Variants in PPP1R37 observed in about 807,000 individuals in gnomAD.
PPP1R37 encodes leucine rich repeat containing 68.
A neutral mutation model predicts 61.0 loss-of-function variants in PPP1R37; 21 were observed. The observed-to-expected ratio is 0.34, with a 90% confidence interval of 0.24 to 0.50. The LOEUF (loss-of-function observed/expected upper bound fraction) is 0.50. PPP1R37 is among the 20% of genes least tolerant of loss of function. PPP1R37 has a pLI of 0.98. For missense variants in PPP1R37, 910 were observed against 952.7 expected (o/e 0.96, Z 0.59); for synonymous variants, 443 against 433.5 (o/e 1.02, Z -0.27).
At chr19:45,119,184 G>A (rs1477481316) in intron 1 of PPP1R37, among the ~76,000 whole-genome samples, 1 of 147,650 alleles carries the variant, frequency 6.8e-6, no homozygotes, top group Non-Finnish European at 1.5e-5. Context: ...ACAGAGTCTT[G>A]CTCTCTGTCA....
In PPP1R37 at chr19:45,143,469, C is replaced by A. The variant is rs945685545; in HGVS notation, c.875-52C>A. The A allele has an allele frequency of 2.2e-5, 25 of 1,154,600 alleles. No homozygotes were observed. The African/African-American group carries it at 3.4e-4, about 15-fold the overall frequency. 71.5% of individuals were successfully genotyped at this position (1,154,600 alleles called of 1,614,324 possible). A position where few individuals can be genotyped will look rare whatever the true frequency, so the allele number is the denominator to read the frequency against. ...GTTGCTCCTACCCTGCAGTCCCCTC[C>A]CCAGGAAGCACCCGGACCCCAGACA... On this transcript the variant is annotated intron_variant, in intron 7 of 12. Coordinates refer to ENST00000221462, the MANE Select transcript of PPP1R37 (RefSeq NM_019121.2).
intron 1 of PPP1R37, among the ~76,000 whole-genome samples, chr19:45,112,551 G>A (rs1460985528): frequency 6.6e-6 from 1 of 152,186 alleles, no homozygotes; most frequent in Non-Finnish European, 1.5e-5. Flanking sequence ...GCCTAGTGTA[G>A]TTATGTTCTG....
At chr19:45,140,732 C>T (rs974530641) in intron 4 of PPP1R37, 126 bp downstream of exon 4, 4 of 685,026 alleles carry the variant, frequency 5.8e-6, no homozygotes, top group Admixed American at 2.4e-5. Context: ...GGCGCAAGGG[C>T]GGGGCCTCTT....
At chr19:45,137,340 C>T (rs546307093) in intron 1 of PPP1R37, among the ~76,000 whole-genome samples, 4 of 152,358 alleles carry the variant, frequency 2.6e-5, no homozygotes, top group South Asian at 2.1e-4. Context: ...CTGAAACTCA[C>T]GCTCATTATG....
intron 1 of PPP1R37, among the ~76,000 whole-genome samples, chr19:45,107,007 G>A (rs1406017954): frequency 1.1e-4 from 16 of 151,240 alleles, no homozygotes; most frequent in Non-Finnish European, 1.8e-4. Context: ...TAGTAGAGAC[G>A]GGATTTCACC....
intron 1 of PPP1R37, among the ~76,000 whole-genome samples, chr19:45,105,529 T>G (rs1032368561): frequency 6.6e-6 from 1 of 152,138 alleles, no homozygotes; most frequent in African/African-American, 2.4e-5. Context: ...ATAATTGATC[T>G]GCCGTGTACC....
rs1032589367 is a variant in PPP1R37, at chr19:45,139,521, G to A, written c.301-715G>A. Among the ~76,000 whole-genome samples the A allele has an allele frequency of 7.2e-5, 11 of 152,244 alleles. No homozygotes were observed. In the East Asian group the frequency reaches 1.2e-3, roughly 16 times the overall value. On this transcript the variant is annotated intron_variant, in intron 2 of 12. Transcript: ENST00000221462. The stretch of plus-strand genomic sequence containing the variant: ...GCGCCTAGTCAGTGAAGCACCGCTC[G>A]TTCCGAGGGTTCCAGGGTTGCCTGT...
intron 7 of PPP1R37, 104 bp from the exon 8 acceptor site, chr19:45,143,417 C>T: frequency 1.5e-6 from 1 of 652,044 alleles, no homozygotes; most frequent in Non-Finnish European, 2.7e-6. Flanking sequence ...GACTGCGGGG[C>T]CTCCATGGAG....
intron 10 of PPP1R37, 22 bp from the exon 11 acceptor site, chr19:45,145,331 T>C: frequency 6.5e-7 from 1 of 1,528,986 alleles, no homozygotes; most frequent in Non-Finnish European, 8.7e-7. Flanking sequence ...CTGAGAGCCC[T>C]AGCCAGGCGC....
chr19:45,140,357 C>A, intron 3 of PPP1R37, 76 bp downstream of exon 3: 2 of 1,446,972 alleles, frequency 1.4e-6, no homozygotes, highest in Non-Finnish European at 1.9e-6. Context: ...GGTCTGAGGA[C>A]CTGCCTGGGG....
intron 1 of PPP1R37, 113 bp from the exon 2 acceptor site, chr19:45,138,401 G>A: frequency 1.4e-6 from 1 of 699,168 alleles, no homozygotes; most frequent in Non-Finnish European, 2.4e-6. Context: ...CCTGTTGTTG[G>A]GGGAGGGCTG....
chr19:45,093,618 A>G lies in PPP1R37; in HGVS notation c.202+91A>G, dbSNP rs1002552542. The G allele has an allele frequency of 1.1e-4, 100 of 948,100 alleles. No homozygotes were observed. In the Middle Eastern group the frequency reaches 1.7e-3, roughly 16 times the overall value. The allele number at this position is 948,100 out of a possible 1,614,324, so 58.7% of individuals were successfully genotyped here. On this transcript the variant is annotated intron_variant, in intron 1 of 12. Transcript: ENST00000221462. ...AGGGCCCGGCTCGAGGTGGCGTTCA[A>G]TAGATTGCACCTAATGGTGAATAAG...
intron 1 of PPP1R37, among the ~76,000 whole-genome samples, chr19:45,097,547 C>A (rs1170565751): frequency 6.6e-6 from 1 of 151,864 alleles, no homozygotes; most frequent in Admixed American, 6.6e-5. Context: ...AGCGCTCCCT[C>A]AGGCCCTGCA....
chr19:45,138,625 AG>A lies in PPP1R37; in HGVS notation c.300+17del. 1 of 593,640 alleles carries A rather than the reference AG, an allele frequency of 1.7e-6. No individual in the cohort carries two copies. Among genetic ancestry groups the A allele is most frequent in the Non-Finnish European group, 3.0e-6 (1 of 337,714 alleles). The allele number at this position is 593,640 out of a possible 1,614,324, so 36.8% of individuals were successfully genotyped here. A position where few individuals can be genotyped will look rare whatever the true frequency, so the allele number is the denominator to read the frequency against. ...AGGCAGCTGCAGGTATGGGCGGGAC[AG>A]GGTGGGTGCGTCCGGTGTGGGTGTC... is the stretch of plus-strand genomic sequence containing the variant. On this transcript the variant is annotated intron_variant, in intron 2 of 12. Coordinates refer to ENST00000221462, the MANE Select transcript of PPP1R37 (RefSeq NM_019121.2).
At chr19:45,145,332 A>C in intron 10 of PPP1R37, 21 bp from the exon 11 acceptor site, 2 of 1,529,244 alleles carry the variant, frequency 1.3e-6, no homozygotes, top group Non-Finnish European at 1.7e-6. Flanking sequence ...TGAGAGCCCT[A>C]GCCAGGCGCT....
At chr19:45,094,815 T>C (rs1967971493) in intron 1 of PPP1R37, among the ~76,000 whole-genome samples, 2 of 151,444 alleles carry the variant, frequency 1.3e-5, no homozygotes, top group Admixed American at 6.6e-5. Context: ...GATGAAAAAG[T>C]TGGCTACTTG....
intron 1 of PPP1R37, among the ~76,000 whole-genome samples, chr19:45,111,899 G>A (rs1475899729): frequency 1.3e-5 from 2 of 151,940 alleles, no homozygotes; most frequent in Non-Finnish European, 1.5e-5. Flanking sequence ...ATGGTGTTTC[G>A]TTCTGCCTGT....
At chr19:45,133,364 G>A (rs142883151) in intron 1 of PPP1R37, among the ~76,000 whole-genome samples, 1,766 of 152,328 alleles carry the variant, frequency 0.012, 21 homozygotes, top group Non-Finnish European at 0.017. Flanking sequence ...GATTACAGGC[G>A]TGAGCCACCG....
chr19:45,125,417 C>T (rs1481438743), intron 1 of PPP1R37, among the ~76,000 whole-genome samples: 1 of 152,118 alleles, frequency 6.6e-6, no homozygotes, highest in Non-Finnish European at 1.5e-5. Flanking sequence ...GAGCCAAGAT[C>T]ACACCACTGC....
Sources: gnomAD v4.1 joint callset for allele counts (sites outside exome capture counted in the v4.1 genomes callset) on GRCh38, gnomAD v4.1.1 for gene constraint, MANE v1.5 for transcripts, NCBI Gene and HGNC (gene_info 2026-07-23, HGNC 2026-07-21) for gene names.